The following EFCAB8 variants were observed in gnomAD, a reference collection of about 807,000 sequenced individuals.
EFCAB8 encodes EF-hand calcium-binding domain-containing protein 8.
EFCAB8 carries 100 observed loss-of-function variants against 116.3 expected under a neutral mutation model. That is an observed-to-expected ratio of 0.86 (90% CI 0.73 to 1.02). EFCAB8 has a LOEUF of 1.02. Among genes scored for constraint, EFCAB8 ranks in the 50% least tolerant of loss-of-function variants. The pLI is 0.00. For missense variants in EFCAB8, 1,320 were observed against 1,416.9 expected (o/e 0.93, Z 1.10); for synonymous variants, 558 against 567.9 (o/e 0.98, Z 0.25).
chr20:32,960,891 G>A (rs144977934), intron 26 of EFCAB8, among the ~76,000 whole-genome samples: 4 of 152,348 alleles, frequency 2.6e-5, no homozygotes, highest in Non-Finnish European at 5.9e-5. Context: ...CTGCTCGCCA[G>A]CTCACAGAGT....
At position 32,911,685 on chromosome 20, in the gene EFCAB8, T is replaced by C. The variant is rs1401729418; in HGVS notation, c.1763T>C (p.Phe588Ser). ...NYNIGKCLLTFPSPEQLEISG... is the reference protein window; with the variant it reads ...NYNIGKCLLTSPSPEQLEISG... Reference sequence around the variant, plus strand: ...AACATTGGCAAATGCCTGTTGACCTTTCCCAGTCCGGAACAGCTGGAGGTC... The same window carrying C: ...AACATTGGCAAATGCCTGTTGACCTCTCCCAGTCCGGAACAGCTGGAGGTC... Residue 588 changes from phenylalanine to serine, a missense_variant, in exon 16 of 27, where the codon TTT becomes TCT. Phe to Ser is a radical substitution (Grantham distance 155, BLOSUM62 -2). Transcript: ENST00000400522. 1 of 1,551,610 alleles carries C rather than the reference T, an allele frequency of 6.4e-7. No homozygotes were observed. The highest frequency in any genetic ancestry group is 1.4e-5 in the African/African-American group (1 of 73,044).
rs1408059528 is a variant in EFCAB8 at position 32,898,625 on chromosome 20, TAAG to T, written c.1088+6_1088+8del. ...AGCCAAAGCCTCTAAGAAACCCAGG[TAAG>T]AAGTGCTTCTCTCCTGGCTAAGGCG... On this transcript the variant is annotated splice_donor_5th_base_variant and intron_variant, in intron 11 of 26. Transcript: ENST00000400522. 3 of 717,834 alleles carry T rather than the reference TAAG, an allele frequency of 4.2e-6. No individual in the cohort carries two copies. The Admixed American group carries it at 6.0e-5, about 14-fold the overall frequency. The allele number at this position is 717,834 out of a possible 1,614,324, so 44.5% of individuals were successfully genotyped here.
At chr20:32,887,301 C>T (rs937271139) in intron 6 of EFCAB8, among the ~76,000 whole-genome samples, 3 of 152,206 alleles carry the variant, frequency 2.0e-5, no homozygotes, top group South Asian at 2.1e-4. Context: ...CAGCGCCAGG[C>T]GCGGAGGCTC....
chr20:32,961,643 G>A lies in EFCAB8; in HGVS notation c.*34G>A, dbSNP rs1366895929. ...GCTGTCTTCTCTAGTCCTCCAGCAG[G>A]GCAACCAGGCCCATGGCGGTCCTGC... On this transcript the variant is annotated 3_prime_UTR_variant, in exon 27 of 27. Transcript: ENST00000400522. The A allele has an allele frequency of 8.3e-7, 1 of 1,209,506 alleles. No homozygotes were observed. Among genetic ancestry groups the A allele is most frequent in the Admixed American group, 3.7e-5 (1 of 27,118 alleles). The allele number at this position is 1,209,506 out of a possible 1,614,324, so 74.9% of individuals were successfully genotyped here.
chr20:32,916,421 C>T (rs1987189872), intron 17 of EFCAB8, among the ~76,000 whole-genome samples: 1 of 152,094 alleles, frequency 6.6e-6, no homozygotes, highest in Non-Finnish European at 1.5e-5. Flanking sequence ...CTATGCCTGG[C>T]TAATTAAAAT....
chr20:32,935,481 T>C (rs1173327964), intron 22 of EFCAB8, among the ~76,000 whole-genome samples: 1 of 151,028 alleles, frequency 6.6e-6, no homozygotes, highest in African/African-American at 2.4e-5. Context: ...ATTACAGGCA[T>C]GAGCCACTGC....
intron 8 of EFCAB8, 38 bp downstream of exon 8, chr20:32,892,335 G>C (rs1253063159): frequency 1.3e-6 from 2 of 1,540,616 alleles, no homozygotes; most frequent in Middle Eastern, 1.8e-4. Context: ...TGAACCAGGA[G>C]GCCCAGGCCT....
At chr20:32,865,794 C>CAAA (rs576681552) in intron 2 of EFCAB8, among the ~76,000 whole-genome samples, 1 of 115,546 alleles carries the variant, frequency 8.7e-6, no homozygotes, top group African/African-American at 3.3e-5. Flanking sequence ...GACTCTGTCT[C>CAAA]AAAAAAAAAA....
chr20:32,884,269 C>G (rs1985495650), intron 5 of EFCAB8, among the ~76,000 whole-genome samples: 1 of 152,166 alleles, frequency 6.6e-6, no homozygotes, highest in Non-Finnish European at 1.5e-5. Context: ...GCACCAAATG[C>G]AGCCTCTCAT....
chr20:32,955,752 A>G (rs1055014252), intron 23 of EFCAB8, among the ~76,000 whole-genome samples: 10 of 151,986 alleles, frequency 6.6e-5, no homozygotes, highest in African/African-American at 2.4e-4. Flanking sequence ...CCTCCAACCC[A>G]GTTGGAATAA....
chr20:32,909,702 C>T, intron 14 of EFCAB8, 119 bp from the exon 15 acceptor site: 1 of 442,680 alleles, frequency 2.3e-6, no homozygotes, highest in Admixed American at 4.4e-5. Flanking sequence ...TGGAATCAGG[C>T]CTGCGTGTGG....
intron 20 of EFCAB8, among the ~76,000 whole-genome samples, chr20:32,922,813 T>TTC (rs150322386): frequency 0.22 from 32,750 of 151,332 alleles, 3,824 homozygotes; most frequent in Middle Eastern, 0.35. Flanking sequence ...GAATGAGTAC[T>TTC]TCTCTCTCTC....
At chr20:32,953,936 G>A (rs534513568) in intron 23 of EFCAB8, among the ~76,000 whole-genome samples, 14 of 152,010 alleles carry the variant, frequency 9.2e-5, no homozygotes, top group Admixed American at 3.9e-4. Context: ...TCAGCCTCCC[G>A]AGTAGCTGGG....
Position 32,941,578 on chromosome 20 carries a change from C to G in EFCAB8, c.2791-2058C>G, listed in dbSNP as rs1393137266. 2.3e-5 allele frequency among the ~76,000 whole-genome samples: 3 copies of G among 130,742 alleles called. 1 individual carries two copies. The highest frequency in any genetic ancestry group is 8.9e-5 in the African/African-American group (3 of 33,880). The allele number at this position is 130,742 out of a possible 152,430, so 85.8% of individuals were successfully genotyped here. ...GATGCATGCAACAACATGGATGAAC[C>G]TTGAAAATACTGTGCTAAGTGAAAG... On this transcript the variant is annotated intron_variant, in intron 22 of 26. Coordinates refer to ENST00000400522, the MANE Select transcript of EFCAB8 (RefSeq NM_001143967.2).
chr20:32,950,424 A>T (rs1275106353), intron 23 of EFCAB8, among the ~76,000 whole-genome samples: 1 of 152,220 alleles, frequency 6.6e-6, no homozygotes, highest in Non-Finnish European at 1.5e-5. Flanking sequence ...TAAAGAGGAA[A>T]CACGAAGGAC....
Position 32,885,550 on chromosome 20 carries a change from G to T in EFCAB8, c.477G>T (p.Arg159=). The T allele has an allele frequency of 6.4e-7, 1 of 1,551,782 alleles. No individual in the cohort carries two copies. Among genetic ancestry groups the T allele is most frequent in the Non-Finnish European group, 8.7e-7 (1 of 1,147,014 alleles). The change falls in exon 6 of 27, where the codon CGG becomes CGT. Residue 159 remains arginine, a synonymous_variant. Transcript: ENST00000400522. ...EVVKVVFLIH[R]FKKIGCFLTV... is the part of the protein sequence containing the mutation. ...TGAAGGTGGTGTTTTTAATCCACCG[G>T]TTCAAGAAGATCGGGTGTTTCCTGA... is the stretch of plus-strand genomic sequence containing the variant.
rs1162366732 is a variant in EFCAB8 at position 32,917,421 on chromosome 20, C to T, written c.1977C>T (p.Asp659=). ...QFLGTSSYSG[D]ILFWNTGTLK... Reference sequence around the variant, plus strand: ...TTGGGACCTCCTCCTACAGTGGGGACATCCTCTTCTGGAACACCGGCACAC... The same window carrying T: ...TTGGGACCTCCTCCTACAGTGGGGATATCCTCTTCTGGAACACCGGCACAC... The change falls in exon 18 of 27, where the codon GAC becomes GAT. Residue 659 remains aspartate (D), a synonymous_variant. Transcript: ENST00000400522. 1.3e-5 allele frequency: 20 copies of T among 1,552,086 alleles called. No individual in the cohort carries two copies. In the East Asian group the frequency reaches 4.4e-4, roughly 34 times the overall value.
At chr20:32,912,702 C>T in intron 16 of EFCAB8, 92 bp from the exon 17 acceptor site, 1 of 702,892 alleles carries the variant, frequency 1.4e-6, no homozygotes, top group Admixed American at 2.2e-5. Context: ...AGAGATTTGA[C>T]TTCTTGCTTG....
In EFCAB8 at chr20:32,931,191, A is replaced by C. The variant is rs1987894810; in HGVS notation, c.2645A>C (p.Lys882Thr). ...CKGYIKIWDI[K>T]DYCALIDKQP... Reference sequence around the variant, plus strand: ...CTTTATGTCTAGATCTGGGACATCAAGGATTACTGCGCATTGATTGATAAA... The same window carrying C: ...CTTTATGTCTAGATCTGGGACATCACGGATTACTGCGCATTGATTGATAAA... Residue 882 changes from lysine to threonine, a missense_variant, in exon 22 of 27, where the codon AAG becomes ACG. Physicochemically the swap from Lys to Thr is moderately conservative, Grantham distance 78. Coordinates refer to ENST00000400522, the MANE Select transcript of EFCAB8 (RefSeq NM_001143967.2). The C allele has an allele frequency of 1.3e-6, 2 of 1,544,810 alleles. No individual in the cohort carries two copies.
Sources: allele counts gnomAD v4.1 joint callset (sites outside exome capture counted in the v4.1 genomes callset), GRCh38; gene constraint gnomAD v4.1.1; transcripts MANE v1.5; gene names NCBI Gene and HGNC (gene_info 2026-07-23, HGNC 2026-07-21).